Variants in C2CD5 observed in about 807,000 individuals in gnomAD.
C2CD5 encodes the protein C2 calcium dependent domain containing 5.
In C2CD5, 109 loss-of-function variants were observed where a neutral mutation model predicts 130.3. That is an observed-to-expected ratio of 0.84 (90% CI 0.72 to 0.98). The LOEUF (loss-of-function observed/expected upper bound fraction) is 0.98, where lower values mean the gene tolerates loss of function less well. Among genes scored for constraint, C2CD5 ranks in the 50% least tolerant of loss-of-function variants. C2CD5 has a pLI of 0.00. For synonymous variants in C2CD5, 454 were observed against 429.2 expected (o/e 1.06, Z -0.71); for missense variants, 996 against 1,261.8 (o/e 0.79, Z 3.19).
intron 10 of C2CD5, among the ~76,000 whole-genome samples, chr12:22,505,254 CTT>C (rs371726014): frequency 8.5e-5 from 9 of 106,312 alleles, no homozygotes; most frequent in Non-Finnish European, 1.0e-4. Context: ...TTCTTTCTTT[CTT>C]TTTTTTTTTT....
intron 3 of C2CD5, among the ~76,000 whole-genome samples, chr12:22,533,226 G>C (rs1951485302): frequency 1.3e-5 from 2 of 152,144 alleles, no homozygotes; most frequent in Non-Finnish European, 2.9e-5. Context: ...AATAGCTTTG[G>C]AGTCAGGCAG....
chr12:22,493,258 A>C lies in C2CD5; in HGVS notation c.1227T>G (p.His409Gln). 6.2e-7 allele frequency: 1 copy of C among 1,611,050 alleles called. No homozygotes were observed. The highest frequency in any genetic ancestry group is 8.5e-7 in the Non-Finnish European group (1 of 1,177,868). Residue 409 changes from histidine (H) to glutamine (Q), a missense_variant, in exon 11 of 27, where the codon CAT (histidine) becomes CAG (glutamine). Around this residue, in one of 9 missense-constraint regions of C2CD5, gnomAD observed 590 missense variants for 631.4 expected, o/e 0.93. Transcript: ENST00000446597. Reference protein sequence around the residue: ...IKSHAKALGCHAVVGYSESTS... With the variant: ...IKSHAKALGCQAVVGYSESTS... ...TTGATTCACTGTAGCCCACTACAGCATGACAGCCTAATGCTTTAGCATGTG... is the reference window on the plus strand; with the variant it reads ...TTGATTCACTGTAGCCCACTACAGCCTGACAGCCTAATGCTTTAGCATGTG...
intron 26 of C2CD5, among the ~76,000 whole-genome samples, chr12:22,453,124 A>G (rs886807366): frequency 1.3e-5 from 2 of 152,308 alleles, no homozygotes; most frequent in Non-Finnish European, 2.9e-5. Context: ...TGCTTAAATG[A>G]TAAGTAATTA....
At chr12:22,470,691 A>G (rs570298749) in intron 21 of C2CD5, 133 bp downstream of exon 21, 17 of 614,224 alleles carry the variant, frequency 2.8e-5, no homozygotes, top group African/African-American at 2.6e-4. Context: ...ATCTTCATAA[A>G]GATGAACAGA....
chr12:22,532,312 G>A (rs1025192340), intron 3 of C2CD5, among the ~76,000 whole-genome samples: 6 of 150,274 alleles, frequency 4.0e-5, no homozygotes, highest in Non-Finnish European at 8.8e-5. Flanking sequence ...CCTGGGCAAC[G>A]GGAGTGAAAC....
chr12:22,526,776 T>C (rs752555461), intron 4 of C2CD5, among the ~76,000 whole-genome samples: 1 of 152,218 alleles, frequency 6.6e-6, no homozygotes, highest in African/African-American at 2.4e-5. Context: ...CCAGATCTTA[T>C]CTCTAAACAT....
intron 11 of C2CD5, 27 bp from the exon 12 acceptor site, chr12:22,490,245 T>C: frequency 3.3e-6 from 5 of 1,511,412 alleles, no homozygotes; most frequent in South Asian, 1.1e-5. Context: ...ACAAACAAGT[T>C]AACATTTTTC....
intron 9 of C2CD5, among the ~76,000 whole-genome samples, chr12:22,510,575 A>T (rs1294476429): frequency 6.6e-6 from 1 of 152,230 alleles, no homozygotes. Context: ...CTTTCTAGAT[A>T]TAAAATCCAT....
At chr12:22,502,183 A>C (rs977675106) in intron 10 of C2CD5, among the ~76,000 whole-genome samples, 1 of 152,118 alleles carries the variant, frequency 6.6e-6, no homozygotes, top group African/African-American at 2.4e-5. Flanking sequence ...ACATGTGGAA[A>C]GGGAAGGAGG....
intron 2 of C2CD5, among the ~76,000 whole-genome samples, chr12:22,536,375 A>C (rs1459867464): frequency 6.6e-6 from 1 of 152,214 alleles, no homozygotes; most frequent in Non-Finnish European, 1.5e-5. Context: ...AAACATCAAA[A>C]ATTAAAATAA....
At chr12:22,490,059 A>G (rs1359646690) in intron 12 of C2CD5, 64 bp downstream of exon 12, 1 of 1,190,002 alleles carries the variant, frequency 8.4e-7, no homozygotes, top group African/African-American at 1.5e-5. Context: ...CCCAACTCTC[A>G]GAAAAAAAGT....
chr12:22,468,827 T>A (rs1031639759), intron 22 of C2CD5, among the ~76,000 whole-genome samples: 1 of 152,190 alleles, frequency 6.6e-6, no homozygotes. Flanking sequence ...TCTATTGACA[T>A]ATATGTAAAG....
At chr12:22,543,771 T>A (rs1019042475) in intron 2 of C2CD5, among the ~76,000 whole-genome samples, 4 of 152,134 alleles carry the variant, frequency 2.6e-5, no homozygotes, top group African/African-American at 9.7e-5. Context: ...CCTTGGGATC[T>A]CCTGAGTGGC....
At chr12:22,482,929 A>G (rs571694871) in intron 13 of C2CD5, among the ~76,000 whole-genome samples, 186 bp from the exon 14 acceptor site, 1 of 152,324 alleles carries the variant, frequency 6.6e-6, no homozygotes, top group East Asian at 1.9e-4. Context: ...ATCCTATTTC[A>G]TAACAGGTAC....
chr12:22,471,724 C>T (rs1409334469), intron 19 of C2CD5, among the ~76,000 whole-genome samples: 2 of 151,690 alleles, frequency 1.3e-5, no homozygotes, highest in African/African-American at 4.8e-5. Flanking sequence ...TTTAAATATA[C>T]ACATATACAC....
At chr12:22,473,360 G>T (rs950938627) in intron 16 of C2CD5, among the ~76,000 whole-genome samples, 1 of 152,134 alleles carries the variant, frequency 6.6e-6, no homozygotes, top group Non-Finnish European at 1.5e-5. Flanking sequence ...CTAACCTGCA[G>T]ACTCGCTAAG....
At chr12:22,541,348 T>C (rs75567834) in intron 2 of C2CD5, among the ~76,000 whole-genome samples, 3,426 of 152,322 alleles carry the variant, frequency 0.022, 59 homozygotes, top group Non-Finnish European at 0.036. Flanking sequence ...ATCTCCTAAC[T>C]GCCTGATTTC....
intron 2 of C2CD5, among the ~76,000 whole-genome samples, chr12:22,538,002 T>C (rs1951986345): frequency 6.6e-6 from 1 of 152,182 alleles, no homozygotes; most frequent in Admixed American, 6.5e-5. Flanking sequence ...ACGTCATATA[T>C]AGTGGAAATT....
At chr12:22,471,908 A>T (rs1943101096) in intron 19 of C2CD5, 59 bp downstream of exon 19, 7 of 913,742 alleles carry the variant, frequency 7.7e-6, no homozygotes, top group Non-Finnish European at 1.3e-5. Context: ...AGCAATATAG[A>T]CACTTAAAAT....
Sources: allele counts gnomAD v4.1 joint callset (sites outside exome capture counted in the v4.1 genomes callset), GRCh38; gene constraint gnomAD v4.1.1; regional missense constraint gnomAD v4.1.1; transcripts MANE v1.5; gene names NCBI Gene and HGNC (gene_info 2026-07-23, HGNC 2026-07-21).